The following GLRX3 variants were observed in gnomAD, a reference collection of about 807,000 sequenced individuals.
GLRX3 encodes glutaredoxin-3.
In GLRX3, 22 loss-of-function variants were observed where a neutral mutation model predicts 49.5. The observed-to-expected ratio is 0.44, with a 90% CI of 0.32 to 0.63. GLRX3 has a LOEUF of 0.63. Ranked by LOEUF, GLRX3 falls within the 30% of genes least tolerant of loss-of-function variation. The pLI is 0.05. For missense variants in GLRX3, 385 were observed against 396.3 expected (o/e 0.97, Z 0.24); for synonymous variants, 133 against 140.0 (o/e 0.95, Z 0.35).
chr10:130,138,033 G>A (rs1862098780), intron 1 of GLRX3, among the ~76,000 whole-genome samples: 1 of 152,080 alleles, frequency 6.6e-6, no homozygotes, highest in African/African-American at 2.4e-5. Flanking sequence ...ACCACGTCCG[G>A]CCAGAAATGC....
intron 2 of GLRX3, among the ~76,000 whole-genome samples, chr10:130,156,904 A>T (rs989694044): frequency 2.0e-5 from 3 of 152,236 alleles, no homozygotes; most frequent in Non-Finnish European, 4.4e-5. Flanking sequence ...TCTTGTATAA[A>T]TCCTACTTTG....
intron 10 of GLRX3, among the ~76,000 whole-genome samples, chr10:130,176,089 T>A (rs1862911904): frequency 6.6e-6 from 1 of 152,182 alleles, no homozygotes; most frequent in Admixed American, 6.5e-5. Flanking sequence ...TAGTACTACT[T>A]CTAGTTATGT....
intron 7 of GLRX3, among the ~76,000 whole-genome samples, chr10:130,170,330 A>T (rs1862780118): frequency 6.6e-6 from 1 of 152,274 alleles, no homozygotes; most frequent in South Asian, 2.1e-4. Flanking sequence ...TGACATGGAG[A>T]ACCACTTTGC....
intron 4 of GLRX3, among the ~76,000 whole-genome samples, chr10:130,164,652 G>C (rs1217192774): frequency 6.6e-6 from 1 of 152,190 alleles, no homozygotes; most frequent in Non-Finnish European, 1.5e-5. Flanking sequence ...AAAAAAAGGT[G>C]TGTAAATATT....
intron 1 of GLRX3, among the ~76,000 whole-genome samples, chr10:130,142,486 C>T (rs534816357): frequency 1.6e-4 from 25 of 152,294 alleles, no homozygotes; most frequent in Admixed American, 1.3e-3. Context: ...CCTCAGCTGT[C>T]TTGTGTCTAC....
chr10:130,141,675 T>G (rs547361153), intron 1 of GLRX3, among the ~76,000 whole-genome samples: 2 of 152,366 alleles, frequency 1.3e-5, no homozygotes, highest in East Asian at 3.9e-4. Context: ...AGTTACATTC[T>G]GTTGTATGAA....
intron 1 of GLRX3, among the ~76,000 whole-genome samples, chr10:130,143,673 T>C (rs892125632): frequency 6.6e-6 from 1 of 151,940 alleles, no homozygotes; most frequent in African/African-American, 2.4e-5. Context: ...AGTACAGGCA[T>C]GAGCCACCTT....
At chr10:130,136,914 C>A (rs911079412) in intron 1 of GLRX3, among the ~76,000 whole-genome samples, 8 of 152,152 alleles carry the variant, frequency 5.3e-5, no homozygotes, top group Non-Finnish European at 1.0e-4. Context: ...CCCGGCCCTC[C>A]GCGCCACGGA....
chr10:130,169,899 A>G (rs558803358), intron 7 of GLRX3, among the ~76,000 whole-genome samples: 2 of 152,342 alleles, frequency 1.3e-5, no homozygotes, highest in Admixed American at 1.3e-4. Flanking sequence ...GTGACAGTGG[A>G]GGAGCAAACC....
intron 5 of GLRX3, 72 bp from the exon 6 acceptor site, chr10:130,166,847 G>GT: frequency 9.5e-7 from 1 of 1,050,620 alleles, no homozygotes; most frequent in South Asian, 1.4e-5. Flanking sequence ...AATAATCTGT[G>GT]TTATGGTATG....
At chr10:130,175,393 A>C (rs953889682) in intron 10 of GLRX3, among the ~76,000 whole-genome samples, 1 of 152,110 alleles carries the variant, frequency 6.6e-6, no homozygotes, top group South Asian at 2.1e-4. Context: ...CCAGACAACA[A>C]ATTGTTTTTT....
chr10:130,159,404 T>C (rs1290573733), intron 2 of GLRX3, among the ~76,000 whole-genome samples: 1 of 152,224 alleles, frequency 6.6e-6, no homozygotes, highest in Non-Finnish European at 1.5e-5. Flanking sequence ...TAAAAGGTAT[T>C]TACATTGTAA....
chr10:130,176,832 G>C (rs7906958), intron 10 of GLRX3, among the ~76,000 whole-genome samples: 120,662 of 147,648 alleles, frequency 0.82, 49,520 homozygotes, highest in African/African-American at 0.94. Context: ...AAGACACAAA[G>C]AATACTCAAA....
intron 6 of GLRX3, 62 bp from the exon 7 acceptor site, chr10:130,169,371 C>A (rs369659661): frequency 2.1e-6 from 2 of 968,720 alleles, no homozygotes; most frequent in African/African-American, 1.6e-5. Context: ...ACTCACGAAG[C>A]GGAGGAAAAG....
chr10:130,152,965 CAT>C (rs1276114060), intron 2 of GLRX3, among the ~76,000 whole-genome samples: 1 of 152,220 alleles, frequency 6.6e-6, no homozygotes, highest in Non-Finnish European at 1.5e-5. Flanking sequence ...GGTCTTTTCA[CAT>C]AGTCTCATAT....
chr10:130,177,567 G>A (rs1195617379), intron 10 of GLRX3, among the ~76,000 whole-genome samples: 1 of 152,196 alleles, frequency 6.6e-6, no homozygotes, highest in Non-Finnish European at 1.5e-5. Context: ...AGAGAGGTCA[G>A]GTGAATTGTC....
intron 6 of GLRX3, 69 bp from the exon 7 acceptor site, chr10:130,169,360 TACTC>T: frequency 1.1e-6 from 1 of 878,576 alleles, no homozygotes; most frequent in South Asian, 1.3e-5. Context: ...ATATGCATGT[TACTC>T]ACGAAGCGGA....
At chr10:130,153,288 T>A (rs1038439565) in intron 2 of GLRX3, among the ~76,000 whole-genome samples, 1 of 152,224 alleles carries the variant, frequency 6.6e-6, no homozygotes, top group Admixed American at 6.5e-5. Context: ...ATCTTCTGAA[T>A]CCTGCTTCTG....
intron 10 of GLRX3, among the ~76,000 whole-genome samples, chr10:130,179,082 C>T (rs1299286512): frequency 2.0e-5 from 3 of 152,166 alleles, no homozygotes; most frequent in Non-Finnish European, 4.4e-5. Flanking sequence ...AAGTGATCTG[C>T]CCACCTCGGC....
Sources: gnomAD v4.1 joint callset for allele counts (sites outside exome capture counted in the v4.1 genomes callset) on GRCh38, gnomAD v4.1.1 for gene constraint, MANE v1.5 for transcripts, NCBI Gene and HGNC (gene_info 2026-07-23, HGNC 2026-07-21) for gene names.